The following FAM227B variants were observed in gnomAD, a reference collection of about 807,000 sequenced individuals.
FAM227B encodes the protein family with sequence similarity 227 member B.
In FAM227B, 88 loss-of-function variants were observed where a neutral mutation model predicts 73.8. That is an observed-to-expected ratio of 1.19 (90% CI 1.00 to 1.42). The LOEUF (loss-of-function observed/expected upper bound fraction) is 1.42, where lower values mean the gene tolerates loss of function less well. Ranked by LOEUF, FAM227B falls within the 40% of genes most tolerant of loss-of-function variation. The probability of loss-of-function intolerance (pLI) is 0.00; values close to 1 mark genes in which losing one functional copy is unlikely to be tolerated. For synonymous variants in FAM227B, 210 were observed against 190.5 expected, an observed-to-expected ratio of 1.10 and a Z score of -0.84; for missense variants, 632 against 590.9, an observed-to-expected ratio of 1.07 and a Z score of -0.72.
chr15:49,365,404 A>G (rs2044970132), intron 13 of FAM227B: 2 of 1,089,874 alleles, frequency 1.8e-6, no homozygotes, highest in South Asian at 1.3e-5. Context: ...CAGTCTAAAC[A>G]TCAACTCTTC....
At chr15:49,412,469 A>AT (rs1305437484) in intron 11 of FAM227B, among the ~76,000 whole-genome samples, 9 of 152,070 alleles carry the variant, frequency 5.9e-5, no homozygotes, top group African/African-American at 2.2e-4. Flanking sequence ...CTAAGGATTA[A>AT]TTTTTTTCAA....
intron 10 of FAM227B, among the ~76,000 whole-genome samples, chr15:49,533,500 T>A (rs1353569144): frequency 6.6e-6 from 1 of 151,940 alleles, no homozygotes; most frequent in Admixed American, 6.6e-5. Context: ...TGCTTTGTAG[T>A]CTACTTCTTC....
intron 11 of FAM227B, among the ~76,000 whole-genome samples, chr15:49,505,188 C>A (rs4411460): frequency 0.96 from 146,123 of 152,258 alleles, 70,404 homozygotes; most frequent in East Asian, 1. Flanking sequence ...TTTATGTAAA[C>A]TTCTAGAAAA....
At chr15:49,440,494 C>G (rs1017538878) in intron 11 of FAM227B, among the ~76,000 whole-genome samples, 2 of 151,682 alleles carry the variant, frequency 1.3e-5, no homozygotes, top group African/African-American at 2.4e-5. Context: ...ATTGAAACTA[C>G]TTAATGTCCT....
At chr15:49,392,928 G>C (rs776625555) in intron 11 of FAM227B, among the ~76,000 whole-genome samples, 2 of 152,102 alleles carry the variant, frequency 1.3e-5, no homozygotes, top group African/African-American at 4.8e-5. Context: ...TGAAATGTTT[G>C]CCAAGGGCTT....
At chr15:49,617,591 A>G (rs2078370446) in intron 1 of FAM227B, among the ~76,000 whole-genome samples, 1 of 152,184 alleles carries the variant, frequency 6.6e-6, no homozygotes, top group Non-Finnish European at 1.5e-5. Context: ...CAGAGCATCA[A>G]TTAAATGTGT....
At chr15:49,395,843 C>T (rs749180964) in intron 11 of FAM227B, 6 of 430,820 alleles carry the variant, frequency 1.4e-5, no homozygotes, top group Non-Finnish European at 2.3e-5. Flanking sequence ...AAACTCAACA[C>T]ATTCAAAGGA....
At chr15:49,537,509 T>C (rs776401288) in intron 10 of FAM227B, among the ~76,000 whole-genome samples, 1 of 151,680 alleles carries the variant, frequency 6.6e-6, no homozygotes, top group Non-Finnish European at 1.5e-5. Context: ...AGTATGAGAG[T>C]TCCTAAAGAA....
At position 49,508,214 on chromosome 15, in the gene FAM227B, T is replaced by C. The variant is rs766192756; in HGVS notation, c.1009A>G (p.Thr337Ala). 3 of 1,605,328 alleles carry C rather than the reference T, an allele frequency of 1.9e-6. No homozygotes were observed. Among genetic ancestry groups the C allele is most frequent in the Admixed American group, 1.7e-5 (1 of 57,890 alleles). Residue 337 changes from threonine (T) to alanine (A), a missense_variant, in exon 11 of 16, where the codon ACT becomes GCT. Thr to Ala is a moderately conservative substitution (Grantham distance 58). Transcript: ENST00000299338. ...RIADSQEHIS[T>A]SIDFNIIKIL... ...AGTATACAGAAACTTTACTTACTAG[T>C]TGATATATGTTCTTGACTGTCTGCA...
At chr15:49,504,465 T>A (rs2058419112) in intron 11 of FAM227B, among the ~76,000 whole-genome samples, 1 of 152,178 alleles carries the variant, frequency 6.6e-6, no homozygotes, top group African/African-American at 2.4e-5. Flanking sequence ...GTTCATAACT[T>A]TGTTACTCAA....
chr15:49,366,547 G>C (rs2045222678), intron 13 of FAM227B: 5 of 1,576,974 alleles, frequency 3.2e-6, no homozygotes, highest in South Asian at 2.2e-5. Flanking sequence ...ACCAATGGGG[G>C]TTATAAAGCA....
chr15:49,558,126 G>GGCAC (rs2073911659), intron 9 of FAM227B, among the ~76,000 whole-genome samples: 1 of 70,192 alleles, frequency 1.4e-5, no homozygotes, highest in Non-Finnish European at 2.6e-5. Context: ...AATGCCTAAT[G>GGCAC]CCCCAACTTT....
intron 11 of FAM227B, among the ~76,000 whole-genome samples, chr15:49,401,683 G>A (rs917391644): frequency 2.3e-5 from 3 of 132,408 alleles, no homozygotes; most frequent in African/African-American, 8.0e-5. Flanking sequence ...AAAAAATGAT[G>A]AGTTCATGTC....
At chr15:49,458,072 A>G (rs771001788) in intron 11 of FAM227B, among the ~76,000 whole-genome samples, 2 of 151,992 alleles carry the variant, frequency 1.3e-5, no homozygotes, top group Non-Finnish European at 2.9e-5. Context: ...ACATGTAAAA[A>G]TTCTCTGAAA....
At position 49,437,168 on chromosome 15, in the gene FAM227B, T is replaced by C. The variant is rs150375638; in HGVS notation, c.1013-65769A>G. Among the ~76,000 whole-genome samples the C allele has an allele frequency of 7.3e-5, 11 of 151,684 alleles. No individual in the cohort carries two copies. In the East Asian group the frequency reaches 1.9e-3, roughly 27 times the overall value. The stretch of plus-strand genomic sequence containing the variant: ...ATAATAATTATCCAGACACTACATA[T>C]ATTATATATTAAATTGTATATATAC... On this transcript the variant is annotated intron_variant, in intron 11 of 15. Coordinates refer to ENST00000299338, the MANE Select transcript of FAM227B (RefSeq NM_152647.3).
At chr15:49,382,118 G>A (rs1278366757) in intron 11 of FAM227B, among the ~76,000 whole-genome samples, 1 of 151,864 alleles carries the variant, frequency 6.6e-6, no homozygotes, top group Admixed American at 6.6e-5. Flanking sequence ...TGTTTGGTGG[G>A]GAGGGGAACA....
chr15:49,477,552 G>A (rs1442012439), intron 11 of FAM227B, among the ~76,000 whole-genome samples: 13 of 152,264 alleles, frequency 8.5e-5, no homozygotes, highest in Admixed American at 5.2e-4. Context: ...CAGTGTATAC[G>A]TGTACCATAG....
intron 3 of FAM227B, among the ~76,000 whole-genome samples, chr15:49,608,047 C>T (rs2077635002): frequency 6.6e-6 from 1 of 152,080 alleles, no homozygotes; most frequent in Non-Finnish European, 1.5e-5. Context: ...GTTCATACTG[C>T]CCGAAAGAAA....
intron 9 of FAM227B, among the ~76,000 whole-genome samples, chr15:49,560,232 A>G (rs1438088546): frequency 6.6e-6 from 1 of 152,118 alleles, no homozygotes; most frequent in Non-Finnish European, 1.5e-5. Flanking sequence ...TCAAAATACC[A>G]CTGAAAGTTT....
Sources: gnomAD v4.1 joint callset for allele counts (sites outside exome capture counted in the v4.1 genomes callset) on GRCh38, gnomAD v4.1.1 for gene constraint, MANE v1.5 for transcripts, NCBI Gene and HGNC (gene_info 2026-07-23, HGNC 2026-07-21) for gene names.